Variants in LIG3 observed in about 807,000 individuals in gnomAD.
LIG3 encodes the protein ligase II, DNA, ATP-dependent.
In LIG3, 58 loss-of-function variants were observed where a neutral mutation model predicts 110.9. The ratio of observed to expected loss-of-function variants is 0.52; its 90% CI spans 0.42 to 0.65. The LOEUF (loss-of-function observed/expected upper bound fraction) is 0.65. LIG3 is among the 30% of genes least tolerant of loss of function. The pLI is 0.00. For synonymous variants in LIG3, 422 were observed against 472.8 expected (o/e 0.89, Z 1.39); for missense variants, 1,094 against 1,273.8 (o/e 0.86, Z 2.15).
chr17:34,992,183 C>A, intron 7 of LIG3, 148 bp downstream of exon 7: 1 of 711,566 alleles, frequency 1.4e-6, no homozygotes, highest in Non-Finnish European at 2.4e-6. Context: ...GTCACTTGAC[C>A]TGTCTCTGCC....
In LIG3 at chr17:35,004,732, G is replaced by C; in HGVS notation, c.*226G>C. On this transcript the variant is annotated 3_prime_UTR_variant, in exon 20 of 20. Transcript: ENST00000378526. ...AATAGATCTTTCAGAGCTGGGTGCT[G>C]GGTTTGCCATCTTTTTGTTTTCTTT... 2 of 513,162 alleles carry C rather than the reference G, an allele frequency of 3.9e-6. No homozygotes were observed. The highest frequency in any genetic ancestry group is 6.9e-6 in the Non-Finnish European group (2 of 290,902). The allele number at this position is 513,162 out of a possible 1,614,324, so 31.8% of individuals were successfully genotyped here.
At chr17:34,997,971 GCC>G (rs1311389514) in intron 12 of LIG3, 146 bp downstream of exon 12, 2 of 694,930 alleles carry the variant, frequency 2.9e-6, no homozygotes, top group African/African-American at 3.6e-5. Flanking sequence ...TGCATATGTT[GCC>G]TGCTAGTCTT....
chr17:35,005,930 AGTTT>A lies in LIG3; in HGVS notation c.*1425_*1428del. 1 of 298,796 alleles carries A rather than the reference AGTTT, an allele frequency of 3.3e-6. No homozygotes were observed. The highest frequency in any genetic ancestry group is 3.0e-5 in the South Asian group (1 of 32,988). The allele number at this position is 298,796 out of a possible 1,614,324, so 18.5% of individuals were successfully genotyped here. Reference sequence around the variant, plus strand: ...ATTTCTTCTTGGTATCAGAGAGACAAGTTTATCACAGTATTTTTTTTTTTCCTGC... The same window carrying A: ...ATTTCTTCTTGGTATCAGAGAGACAAATCACAGTATTTTTTTTTTTCCTGC... On this transcript the variant is annotated 3_prime_UTR_variant, in exon 20 of 20. Coordinates refer to ENST00000378526, the MANE Select transcript of LIG3 (RefSeq NM_013975.4).
In LIG3 at chr17:34,998,182, C is replaced by G. The variant is rs553663746; in HGVS notation, c.1912-37C>G. ...CCCCACTCACTCACCACCTTCTCCA[C>G]TCTCACACCAACTTCAGCATCTCTC... On this transcript the variant is annotated intron_variant, in intron 12 of 19. Coordinates refer to ENST00000378526, the MANE Select transcript of LIG3 (RefSeq NM_013975.4). 9 of 1,554,532 alleles carry G rather than the reference C, an allele frequency of 5.8e-6. No individual in the cohort carries two copies. In the South Asian group the frequency reaches 9.2e-5, roughly 16 times the overall value.
chr17:34,990,851 C>T, intron 4 of LIG3, 112 bp from the exon 5 acceptor site: 1 of 945,410 alleles, frequency 1.1e-6, no homozygotes, highest in Non-Finnish European at 1.6e-6. Flanking sequence ...CCTGCTTCGG[C>T]CTCCCAAAGT....
chr17:35,004,241 C>G (rs763408026), intron 19 of LIG3, 32 bp from the exon 20 acceptor site: 9 of 1,560,814 alleles, frequency 5.8e-6, no homozygotes, highest in Admixed American at 1.7e-5. Context: ...CAGTGTAGGT[C>G]TGACCCCACC....
chr17:34,998,474 C>T, intron 13 of LIG3, 130 bp from the exon 14 acceptor site: 2 of 1,226,102 alleles, frequency 1.6e-6, no homozygotes, highest in Non-Finnish European at 2.3e-6. Context: ...TCCTATAGTG[C>T]CTGGAGCCTG....
At chr17:35,003,109 A>G (rs1209156041) in intron 19 of LIG3, 8 of 1,609,628 alleles carry the variant, frequency 5.0e-6, no homozygotes, top group African/African-American at 1.3e-5. Context: ...CCCCAAGTCA[A>G]AATTTACATT....
At chr17:35,004,185 C>T (rs1332287956) in intron 19 of LIG3, 88 bp from the exon 20 acceptor site, 4 of 915,502 alleles carry the variant, frequency 4.4e-6, no homozygotes, top group South Asian at 1.5e-5. Context: ...ACTCTAGGCT[C>T]CCTCATTCTG....
intron 10 of LIG3, 109 bp downstream of exon 10, chr17:34,996,304 T>C: frequency 7.7e-7 from 1 of 1,293,828 alleles, no homozygotes; most frequent in Non-Finnish European, 1.1e-6. Context: ...AGTGTGGCCC[T>C]TATTCTTCGC....
intron 16 of LIG3, among the ~76,000 whole-genome samples, chr17:35,000,345 G>A (rs1433396016): frequency 3.3e-5 from 5 of 152,248 alleles, no homozygotes; most frequent in Middle Eastern, 3.4e-3. Flanking sequence ...CACAACCTCC[G>A]CCTCCCGGGT....
At chr17:34,994,209 T>A in intron 8 of LIG3, 67 bp from the exon 9 acceptor site, 1 of 1,516,576 alleles carries the variant, frequency 6.6e-7, no homozygotes, top group South Asian at 1.2e-5. Context: ...AGTTGCAAGG[T>A]CTCTGGCTGT....
At position 35,007,051 on chromosome 17, in the gene LIG3, A is replaced by G. The variant is rs1311076468; in HGVS notation, c.*2545A>G. 6.6e-6 allele frequency: 1 copy of G among 152,290 alleles called. No individual in the cohort carries two copies. Among genetic ancestry groups the G allele is most frequent in the South Asian group, 2.1e-4 (1 of 4,836 alleles). 9.4% of individuals were successfully genotyped at this position (152,290 alleles called of 1,614,324 possible). On this transcript the variant is annotated 3_prime_UTR_variant, in exon 20 of 20. Coordinates refer to ENST00000378526, the MANE Select transcript of LIG3 (RefSeq NM_013975.4). ...TCCTCCTTTGAGTACTGACCTACAT[A>G]GATTTCCATTTCTCTCTTCAGCCTC...
chr17:34,983,328 G>C lies in LIG3; in HGVS notation c.323G>C (p.Cys108Ser). Residue 108 changes from cysteine to serine, a missense_variant, in exon 2 of 20, where the codon TGC becomes TCC. Transcript: ENST00000378526. ...AKRGTAGCKK[C>S]KEKIVKGVCR... ...CGTGGCACAGCTGGCTGCAAAAAAT[G>C]CAAGGAAAAGATTGTGAAGGGCGTA... is the stretch of plus-strand genomic sequence containing the variant. 1.2e-6 allele frequency: 2 copies of C among 1,614,254 alleles called. No homozygotes were observed. The highest frequency in any genetic ancestry group is 8.5e-7 in the Non-Finnish European group (1 of 1,180,050).
chr17:34,983,643 T>C, intron 2 of LIG3, 91 bp downstream of exon 2: 1 of 1,290,194 alleles, frequency 7.8e-7, no homozygotes, highest in Non-Finnish European at 1.1e-6. Flanking sequence ...TTTTTTTAAC[T>C]TTGCTCTTTT....
chr17:34,999,212 C>T (rs553629981), intron 14 of LIG3, 95 bp from the exon 15 acceptor site: 119 of 1,393,360 alleles, frequency 8.5e-5, no homozygotes, highest in Non-Finnish European at 1.1e-4. Flanking sequence ...GGCACTCTGA[C>T]GGCCAGGACC....
chr17:34,987,180 G>T (rs574113512), intron 3 of LIG3, among the ~76,000 whole-genome samples: 3 of 152,174 alleles, frequency 2.0e-5, no homozygotes, highest in Admixed American at 6.5e-5. Context: ...CATAGACAGG[G>T]ATTCAGGAAG....
chr17:34,999,249 CTT>C, intron 14 of LIG3, 56 bp from the exon 15 acceptor site: 3 of 1,565,246 alleles, frequency 1.9e-6, no homozygotes, highest in Non-Finnish European at 2.6e-6. Flanking sequence ...GCCCTGGGCT[CTT>C]GGGACTGGCA....
At chr17:34,994,506 TAGC>T in intron 9 of LIG3, 75 bp downstream of exon 9, 1 of 1,415,388 alleles carries the variant, frequency 7.1e-7, no homozygotes, top group Non-Finnish European at 9.7e-7. Context: ...CAGAGTCCCA[TAGC>T]CATTCCAGCT....
Sources: allele counts gnomAD v4.1 joint callset (sites outside exome capture counted in the v4.1 genomes callset), GRCh38; gene constraint gnomAD v4.1.1; transcripts MANE v1.5; gene names NCBI Gene and HGNC (gene_info 2026-07-23, HGNC 2026-07-21).